Variants in TMEM200A observed in about 807,000 individuals in gnomAD.
TMEM200A encodes the protein transmembrane protein 200A.
TMEM200A carries 12 observed loss-of-function variants against 24.3 expected under a neutral mutation model. The observed-to-expected ratio is 0.49, with a 90% CI of 0.32 to 0.80. TMEM200A has a LOEUF of 0.80. Ranked by LOEUF, TMEM200A falls within the 30% of genes least tolerant of loss-of-function variation. The pLI is 0.04. For missense variants in TMEM200A, 545 were observed against 614.4 expected (o/e 0.89, Z 1.19); for synonymous variants, 224 against 224.4 (o/e 1.00, Z 0.02).
At chr6:130,428,506 T>C (rs1779800256) in intron 2 of TMEM200A, among the ~76,000 whole-genome samples, 1 of 152,116 alleles carries the variant, frequency 6.6e-6, no homozygotes, top group Admixed American at 6.6e-5. Context: ...TAGAGAGCTT[T>C]CTCTCTGACA....
At chr6:130,419,401 G>T (rs1779528615) in intron 2 of TMEM200A, among the ~76,000 whole-genome samples, 1 of 152,080 alleles carries the variant, frequency 6.6e-6, no homozygotes, top group South Asian at 2.1e-4. Flanking sequence ...GCATCTTTTT[G>T]ATATACTAAT....
Position 130,366,650 on chromosome 6 carries a change from A to T in TMEM200A, c.-81+126A>T, listed in dbSNP as rs930393806. 7 of 822,146 alleles carry T rather than the reference A, an allele frequency of 8.5e-6. No homozygotes were observed. In the African/African-American group the frequency reaches 1.3e-4, roughly 15 times the overall value. The allele number at this position is 822,146 out of a possible 1,614,324, so 50.9% of individuals were successfully genotyped here. On this transcript the variant is annotated intron_variant, in intron 1 of 2. Transcript: ENST00000296978. The surrounding 1 kb of genome is among the most constrained non-coding windows in gnomAD (Gnocchi z 4.4). ...TCCGCTACAGCCTCCAGAGTTAGGT[A>T]AACGCTGTCTCTCCTAAAGTTTGGG...
chr6:130,377,814 A>G (rs538644960), intron 1 of TMEM200A, among the ~76,000 whole-genome samples: 5 of 152,328 alleles, frequency 3.3e-5, no homozygotes, highest in South Asian at 2.1e-4. Flanking sequence ...CAGACAATAC[A>G]TGTATAATTT....
chr6:130,372,349 T>G (rs1057273399), intron 1 of TMEM200A, among the ~76,000 whole-genome samples: 1 of 152,156 alleles, frequency 6.6e-6, no homozygotes, highest in African/African-American at 2.4e-5. Flanking sequence ...GGCAGAAAAC[T>G]TAATAATCTA....
Position 130,441,084 on chromosome 6 carries a change from G to T in TMEM200A, c.662G>T (p.Arg221Leu), listed in dbSNP as rs200272604. The T allele has an allele frequency of 1.1e-4, 176 of 1,613,890 alleles. No homozygotes were observed. Among genetic ancestry groups the T allele is most frequent in the Non-Finnish European group, 1.4e-4 (170 of 1,180,010 alleles). The change falls in exon 3 of 3, where the codon CGA becomes CTA. Residue 221 changes from arginine (R) to leucine (L), a missense_variant. Coordinates refer to ENST00000296978, the MANE Select transcript of TMEM200A (RefSeq NM_001258277.2). ...TTCTCGGGTTTTCGGAGCAGTTTTC[G>T]AATGGACAGCTCCGTGGAGGAGGAT... ...ASFSGFRSSF[R>L]MDSSVEEDEL... is the part of the protein sequence containing the mutation.
chr6:130,423,009 TAAC>T (rs1373454459), intron 2 of TMEM200A, among the ~76,000 whole-genome samples: 4 of 152,202 alleles, frequency 2.6e-5, no homozygotes, highest in Admixed American at 1.3e-4. Context: ...GAACTTGGCA[TAAC>T]AACAAAGTAA....
chr6:130,377,972 A>G (rs1190417022), intron 1 of TMEM200A, among the ~76,000 whole-genome samples: 4 of 152,170 alleles, frequency 2.6e-5, no homozygotes, highest in Non-Finnish European at 5.9e-5. Context: ...GGAAGAAATC[A>G]TTAGTATATC....
intron 2 of TMEM200A, among the ~76,000 whole-genome samples, chr6:130,410,371 A>T (rs1489574569): frequency 6.6e-6 from 1 of 152,180 alleles, no homozygotes; most frequent in Non-Finnish European, 1.5e-5. Context: ...TTTAACATTA[A>T]CTTTTTCATT....
chr6:130,415,663 A>T lies in TMEM200A; in HGVS notation c.-16-24744A>T, dbSNP rs551209129. Among the ~76,000 whole-genome samples, 132 of 152,188 alleles carry T rather than the reference A, an allele frequency of 8.7e-4. 2 individuals carry two copies. The highest frequency in any genetic ancestry group is 2.9e-3 in the African/African-American group (120 of 41,512). On this transcript the variant is annotated intron_variant, in intron 2 of 2. Coordinates refer to ENST00000296978, the MANE Select transcript of TMEM200A (RefSeq NM_001258277.2). ...CATGCTCACGAGATATCCTTCCTCT[A>T]CCCACATGTCATGAAACCCTCCTTT... is the stretch of plus-strand genomic sequence containing the variant.
intron 2 of TMEM200A, among the ~76,000 whole-genome samples, chr6:130,409,170 C>T (rs1479216092): frequency 6.6e-6 from 1 of 152,106 alleles, no homozygotes; most frequent in African/African-American, 2.4e-5. Flanking sequence ...TTTCCTGCAC[C>T]CTCTTTTCTT....
chr6:130,396,272 A>T (rs1193143053), intron 2 of TMEM200A, among the ~76,000 whole-genome samples: 1 of 152,000 alleles, frequency 6.6e-6, no homozygotes, highest in Non-Finnish European at 1.5e-5. Context: ...AACCTTCTGC[A>T]CTAGTTTTTT....
chr6:130,398,699 T>C (rs1055199284), intron 2 of TMEM200A, among the ~76,000 whole-genome samples: 2 of 152,094 alleles, frequency 1.3e-5, no homozygotes, highest in African/African-American at 4.8e-5. Flanking sequence ...AGATGGTATC[T>C]CATTGTGGTT....
rs147060030 is a variant in TMEM200A, at chr6:130,441,490, G to A, written c.1068G>A (p.Ser356=). Residue 356 remains serine, a synonymous_variant, in exon 3 of 3, where the codon TCG becomes TCA. Transcript: ENST00000296978. ...PRNNSIGESL[S]SQYKSSMALG... ...ATAATTCCATTGGGGAGTCGTTGTC[G>A]AGTCAGTACAAGTCATCTATGGCTC... 44 of 1,613,980 alleles carry A rather than the reference G, an allele frequency of 2.7e-5. No individual in the cohort carries two copies. The highest frequency in any genetic ancestry group is 1.7e-4 in the African/African-American group (13 of 75,006).
At chr6:130,365,805 C>A (rs1778121512), upstream of TMEM200A, 2 of 985,350 alleles carry the variant, frequency 2.0e-6, no homozygotes, top group South Asian at 4.7e-5. Context: ...CGCGGATCGG[C>A]CGGCCTGGGC....
chr6:130,421,509 T>TG (rs1477600317), intron 2 of TMEM200A, among the ~76,000 whole-genome samples: 6 of 128,214 alleles, frequency 4.7e-5, no homozygotes, highest in South Asian at 2.4e-4. Flanking sequence ...CACAGTTACC[T>TG]TTGTGTGTGT....
chr6:130,424,076 C>T (rs1050028479), intron 2 of TMEM200A, among the ~76,000 whole-genome samples: 3 of 151,850 alleles, frequency 2.0e-5, no homozygotes, highest in African/African-American at 7.2e-5. Flanking sequence ...TTTTTTCTAA[C>T]TGCATTCTAA....
intron 2 of TMEM200A, among the ~76,000 whole-genome samples, chr6:130,397,268 T>A (rs1399273344): frequency 1.7e-4 from 26 of 152,112 alleles, no homozygotes; most frequent in Admixed American, 6.6e-5. Context: ...TCAAGTAAAA[T>A]CATAGATTAA....
chr6:130,366,362 C>T lies in TMEM200A; in HGVS notation c.-243C>T, dbSNP rs940455016. The T allele has an allele frequency of 3.0e-6, 3 of 985,362 alleles. No individual in the cohort carries two copies. Among genetic ancestry groups the T allele is most frequent in the Middle Eastern group, 5.2e-4 (1 of 1,914 alleles). The allele number at this position is 985,362 out of a possible 1,614,324, so 61.0% of individuals were successfully genotyped here. A position where few individuals can be genotyped will look rare whatever the true frequency, so the allele number is the denominator to read the frequency against. ...CGAGCCCTGGGATGGGGAGGGAGAC[C>T]GCGGCTGCCCGCGGCGGCCGAGATT... On this transcript the variant is annotated 5_prime_UTR_variant, in exon 1 of 3. Coordinates refer to ENST00000296978, the MANE Select transcript of TMEM200A (RefSeq NM_001258277.2). This position sits in a 1 kb window ranked among gnomAD's most constrained non-coding sequence, Gnocchi z 4.4.
At chr6:130,390,640 A>G (rs1019386557) in intron 2 of TMEM200A, among the ~76,000 whole-genome samples, 3 of 152,246 alleles carry the variant, frequency 2.0e-5, no homozygotes, top group African/African-American at 4.8e-5. Context: ...TGTGTTGCAT[A>G]TAATAGTATT....
Sources: gnomAD v4.1 joint callset for allele counts (sites outside exome capture counted in the v4.1 genomes callset) on GRCh38, gnomAD v4.1.1 for gene constraint, Gnocchi (gnomAD v3.1) non-coding constraint, MANE v1.5 for transcripts, NCBI Gene and HGNC (gene_info 2026-07-23, HGNC 2026-07-21) for gene names.